The following HIPK3 variants were observed in gnomAD, a reference collection of about 807,000 sequenced individuals.
HIPK3 encodes the protein homeodomain interacting protein kinase 3.
In HIPK3, 47 loss-of-function variants were observed where a neutral mutation model predicts 124.2. The ratio of observed to expected loss-of-function variants is 0.38; its 90% CI spans 0.30 to 0.48. The LOEUF is 0.48. Among genes scored for constraint, HIPK3 ranks in the 20% least tolerant of loss-of-function variants. The pLI is 0.98. For missense variants in HIPK3, 1,286 were observed against 1,454.3 expected, an observed-to-expected ratio of 0.88 and a Z score of 1.88; for synonymous variants, 482 against 515.2, an observed-to-expected ratio of 0.94 and a Z score of 0.87.
rs1470529484 is a variant in HIPK3 at position 33,356,717 on chromosome 11, C to T, written c.*3149C>T. 6.6e-6 allele frequency: 1 copy of T among 152,030 alleles called. No individual in the cohort carries two copies. Among genetic ancestry groups the T allele is most frequent in the Non-Finnish European group, 1.5e-5 (1 of 67,934 alleles). 9.4% of individuals were successfully genotyped at this position (152,030 alleles called of 1,614,324 possible). On this transcript the variant is annotated 3_prime_UTR_variant, in exon 17 of 17. Transcript: ENST00000303296. ...CTGTTAATTGTTTAACAATTTTAGACTTGTGGCTTTCTTTCTTTGGTTTAT... is the reference window on the plus strand; with the variant it reads ...CTGTTAATTGTTTAACAATTTTAGATTTGTGGCTTTCTTTCTTTGGTTTAT...
At chr11:33,343,251 G>T (rs1377982019) in intron 8 of HIPK3, among the ~76,000 whole-genome samples, 1 of 73,348 alleles carries the variant, frequency 1.4e-5, no homozygotes, top group South Asian at 4.6e-4. Flanking sequence ...TTGATTTTGT[G>T]TGTGTGTGTG....
At chr11:33,336,600 G>A (rs548511549) in intron 3 of HIPK3, among the ~76,000 whole-genome samples, 7 of 152,138 alleles carry the variant, frequency 4.6e-5, no homozygotes, top group African/African-American at 1.4e-4. Context: ...TTACCTCCTG[G>A]CATATAATCC....
chr11:33,294,440 A>G (rs1390430395), intron 2 of HIPK3, among the ~76,000 whole-genome samples: 1 of 151,726 alleles, frequency 6.6e-6, no homozygotes. Flanking sequence ...CCACCCACCT[A>G]CCTTTTCCTA....
At chr11:33,319,046 A>G (rs1246552134) in intron 2 of HIPK3, among the ~76,000 whole-genome samples, 3 of 152,242 alleles carry the variant, frequency 2.0e-5, no homozygotes, top group Non-Finnish European at 4.4e-5. Context: ...TGTGACAAAC[A>G]ATTCCAAAAT....
intron 16 of HIPK3, 152 bp downstream of exon 16, chr11:33,352,417 A>T: frequency 1.3e-6 from 1 of 775,382 alleles, no homozygotes; most frequent in Non-Finnish European, 2.1e-6. Flanking sequence ...CTGGCTTAAT[A>T]ATAGGATAAT....
intron 7 of HIPK3, 59 bp downstream of exon 7, chr11:33,341,186 T>C: frequency 8.1e-7 from 1 of 1,236,402 alleles, no homozygotes; most frequent in Non-Finnish European, 1.1e-6. Flanking sequence ...CGCATTTTAC[T>C]TTTGATATAT....
chr11:33,315,522 G>C (rs1197427052), intron 2 of HIPK3, among the ~76,000 whole-genome samples: 8 of 152,162 alleles, frequency 5.3e-5, no homozygotes, highest in Non-Finnish European at 7.3e-5. Flanking sequence ...ACTGCGCCTG[G>C]CCTTAGCTAA....
chr11:33,257,193 C>G (rs1590327634), upstream of HIPK3: 1 of 972,062 alleles, frequency 1.0e-6, no homozygotes, highest in East Asian at 1.1e-4. Flanking sequence ...AGGCGGGCTC[C>G]GGGCAACAAG....
intron 2 of HIPK3, among the ~76,000 whole-genome samples, chr11:33,310,279 T>TC (rs1232080580): frequency 1.6e-5 from 1 of 61,518 alleles, no homozygotes; most frequent in Non-Finnish European, 3.9e-5. Context: ...TGTCTGTCTA[T>TC]CTTATCTATC....
intron 2 of HIPK3, among the ~76,000 whole-genome samples, chr11:33,306,090 C>T (rs1431782581): frequency 5.3e-5 from 8 of 152,030 alleles, no homozygotes; most frequent in South Asian, 2.1e-4. Context: ...ATAGACATTT[C>T]GTCTAACTTA....
intron 2 of HIPK3, among the ~76,000 whole-genome samples, chr11:33,311,140 C>T (rs773707231): frequency 4.6e-5 from 7 of 152,190 alleles, no homozygotes; most frequent in Non-Finnish European, 1.0e-4. Flanking sequence ...CTCTCAGGTC[C>T]TGGCTGTCTT....
At chr11:33,285,562 T>A (rs1299038362) in intron 1 of HIPK3, among the ~76,000 whole-genome samples, 1 of 48,650 alleles carries the variant, frequency 2.1e-5, no homozygotes, top group Non-Finnish European at 4.0e-5. Context: ...AGCGAAACTC[T>A]GTCTCAAAAA....
At chr11:33,284,683 A>C (rs545933884) in intron 1 of HIPK3, among the ~76,000 whole-genome samples, 3 of 152,330 alleles carry the variant, frequency 2.0e-5, no homozygotes, top group African/African-American at 7.2e-5. Flanking sequence ...AAAAACATTA[A>C]GAGAACATAA....
chr11:33,337,905 C>G (rs1162972242), intron 4 of HIPK3, among the ~76,000 whole-genome samples: 1 of 152,204 alleles, frequency 6.6e-6, no homozygotes, highest in Admixed American at 6.5e-5. Context: ...AACTCCTGAC[C>G]TTGTGATCCG....
intron 2 of HIPK3, among the ~76,000 whole-genome samples, chr11:33,289,104 A>G (rs11032220): frequency 0.097 from 14,722 of 152,204 alleles, 1,652 homozygotes; most frequent in African/African-American, 0.27. Flanking sequence ...GTAGGTTATC[A>G]GAAAGAATTG....
At chr11:33,271,945 C>G (rs372750152) in intron 1 of HIPK3, among the ~76,000 whole-genome samples, 1 of 152,120 alleles carries the variant, frequency 6.6e-6, no homozygotes, top group Non-Finnish European at 1.5e-5. Context: ...TTCTATGACA[C>G]TTTCAGTGGA....
chr11:33,284,558 CTG>C (rs1851497519), intron 1 of HIPK3, among the ~76,000 whole-genome samples: 6 of 152,182 alleles, frequency 3.9e-5, no homozygotes, highest in Non-Finnish European at 5.9e-5. Flanking sequence ...TTTTGGGAGC[CTG>C]AGATGAGAGG....
intron 2 of HIPK3, among the ~76,000 whole-genome samples, chr11:33,323,784 G>T (rs1472664677): frequency 3.9e-5 from 6 of 152,180 alleles, no homozygotes; most frequent in African/African-American, 1.4e-4. Flanking sequence ...AAAAGGAAAA[G>T]AAATGGCATT....
intron 1 of HIPK3, among the ~76,000 whole-genome samples, chr11:33,280,562 G>A (rs1851385975): frequency 6.6e-6 from 1 of 152,138 alleles, no homozygotes. Flanking sequence ...ATTCCTATCT[G>A]TGTTTATTTT....
Sources: allele counts gnomAD v4.1 joint callset (sites outside exome capture counted in the v4.1 genomes callset), GRCh38; gene constraint gnomAD v4.1.1; transcripts MANE v1.5; gene names NCBI Gene and HGNC (gene_info 2026-07-23, HGNC 2026-07-21).